The following XXYLT1 variants were observed in gnomAD, a reference collection of about 807,000 sequenced individuals.
XXYLT1 encodes xyloside xylosyltransferase 1, also known as UDP-xylose:alpha-xyloside alpha-1,3-xylosyltransferase.
A neutral mutation model predicts 28.9 loss-of-function variants in XXYLT1; 20 were observed. That is an observed-to-expected ratio of 0.69 (90% CI 0.49 to 1.00). XXYLT1 has a LOEUF of 1.00. XXYLT1 is among the 50% of genes least tolerant of loss of function. The pLI is 0.00. For missense variants in XXYLT1, 542 were observed against 560.1 expected (o/e 0.97, Z 0.33); for synonymous variants, 257 against 253.8 (o/e 1.01, Z -0.12).
rs1230231187 is a variant in XXYLT1, at chr3:195,143,862, A to C, written c.785+12587T>G. On this transcript the variant is annotated intron_variant, in intron 3 of 3. Transcript: ENST00000310380. The stretch of plus-strand genomic sequence containing the variant: ...GATATAGATATATATATAGATATAT[A>C]TAGATATAGATATATATATATATAT... Among the ~76,000 whole-genome samples, 44 of 89,678 alleles carry C rather than the reference A, an allele frequency of 4.9e-4. 3 individuals carry two copies. Among genetic ancestry groups the C allele is most frequent in the African/African-American group, 1.9e-3 (42 of 22,298 alleles). 58.8% of individuals were successfully genotyped at this position (89,678 alleles called of 152,430 possible).
At position 195,110,825 on chromosome 3, in the gene XXYLT1, AGT is replaced by A. The variant is rs771544244; in HGVS notation, c.786-40716_786-40715del. On this transcript the variant is annotated intron_variant, in intron 3 of 3. Transcript: ENST00000310380. ...TATGTGTGCGTGTGTGTGGTGTATA[AGT>A]GTGTGTGTGGTGTGTTGTGTGTGTT... 2.6e-3 allele frequency among the ~76,000 whole-genome samples: 116 copies of A among 44,484 alleles called. 3 individuals carry two copies. The East Asian group carries it at 0.14, about 55-fold the overall frequency. 29.2% of individuals were successfully genotyped at this position (44,484 alleles called of 152,430 possible).
chr3:195,162,456 C>T (rs895933856), intron 2 of XXYLT1, among the ~76,000 whole-genome samples: 2 of 152,146 alleles, frequency 1.3e-5, no homozygotes, highest in African/African-American at 4.8e-5. Flanking sequence ...GGTTTTGGGT[C>T]CAGGAAGTTG....
chr3:195,214,844 G>C (rs1432470863), intron 2 of XXYLT1: 1 of 152,166 alleles, frequency 6.6e-6, no homozygotes, highest in Non-Finnish European at 1.5e-5. Flanking sequence ...AGATTAGCAT[G>C]GCCCCTGCGC....
intron 3 of XXYLT1, among the ~76,000 whole-genome samples, chr3:195,088,221 C>G (rs1171715759): frequency 6.6e-6 from 1 of 151,580 alleles, no homozygotes; most frequent in Non-Finnish European, 1.5e-5. Flanking sequence ...TAGGCTCCAC[C>G]TCTGGGGGCA....
intron 2 of XXYLT1, among the ~76,000 whole-genome samples, chr3:195,192,352 G>C (rs1295394643): frequency 2.0e-5 from 3 of 151,300 alleles, no homozygotes; most frequent in Admixed American, 6.6e-5. Context: ...TTGAACCCAG[G>C]AAGCAGAGGT....
chr3:195,178,800 A>T (rs1043372239), intron 2 of XXYLT1, among the ~76,000 whole-genome samples: 2 of 152,246 alleles, frequency 1.3e-5, no homozygotes, highest in African/African-American at 4.8e-5. Flanking sequence ...GGAAGCCGGG[A>T]CTGTTTCCCC....
chr3:195,247,417 A>G (rs1463183486), intron 1 of XXYLT1, among the ~76,000 whole-genome samples: 2 of 152,236 alleles, frequency 1.3e-5, no homozygotes, highest in African/African-American at 4.8e-5. Context: ...GTAACACCCA[A>G]AGGAGGCACT....
At chr3:195,143,831 G>GATATATATATCTATATAT (rs1175852032) in intron 3 of XXYLT1, among the ~76,000 whole-genome samples, 7 of 65,692 alleles carry the variant, frequency 1.1e-4, no homozygotes, top group African/African-American at 4.3e-4. Flanking sequence ...GATATATATA[G>GATATATATATCTATATAT]ATATAGATAT....
In XXYLT1 at chr3:195,156,526, C is replaced by T. The variant is rs745922815; in HGVS notation, c.708G>A (p.Arg236=). 4 of 1,614,206 alleles carry T rather than the reference C, an allele frequency of 2.5e-6. No individual in the cohort carries two copies. The highest frequency in any genetic ancestry group is 4.5e-5 in the East Asian group (2 of 44,884). ...AACTGTCAAATTCCTCAAACAACTC[C>T]CGGATGTTGGTCTTAAACTTCAGGT... The part of the protein sequence containing the change: ...DLDLKFKTNI[R]ELFEEFDSFL... The change falls in exon 3 of 4, where the codon CGG becomes CGA. Residue 236 remains arginine (R), a synonymous_variant. Transcript: ENST00000310380.
chr3:195,137,199 C>T (rs1219455566), intron 3 of XXYLT1, among the ~76,000 whole-genome samples: 1 of 152,142 alleles, frequency 6.6e-6, no homozygotes, highest in African/African-American at 2.4e-5. Flanking sequence ...TGGGGTGTGA[C>T]ACTTTTCTTC....
chr3:195,097,782 G>A (rs1365203230), intron 3 of XXYLT1, among the ~76,000 whole-genome samples: 2 of 152,268 alleles, frequency 1.3e-5, no homozygotes, highest in African/African-American at 4.8e-5. Context: ...CCGGGGGAGT[G>A]TGAGTGGAGA....
At chr3:195,102,659 T>TTGTGTG (rs543347960) in intron 3 of XXYLT1, among the ~76,000 whole-genome samples, 6 of 151,060 alleles carry the variant, frequency 4.0e-5, no homozygotes, top group African/African-American at 1.5e-4. Context: ...ATATTCCGTT[T>TTGTGTG]TGTGTGTGTG....
intron 3 of XXYLT1, among the ~76,000 whole-genome samples, chr3:195,081,375 G>A (rs1438192109): frequency 6.6e-6 from 1 of 152,134 alleles, no homozygotes; most frequent in Non-Finnish European, 1.5e-5. Flanking sequence ...CTGTCACAGC[G>A]CTGAGCAGGG....
intron 2 of XXYLT1, among the ~76,000 whole-genome samples, chr3:195,223,247 C>T (rs1027018046): frequency 2.0e-5 from 3 of 151,972 alleles, no homozygotes; most frequent in Non-Finnish European, 1.5e-5. Flanking sequence ...AAAGTAAGCA[C>T]ATTTTAAAAA....
chr3:195,093,002 A>AACCATC (rs1237429659), intron 3 of XXYLT1, among the ~76,000 whole-genome samples: 1 of 102,286 alleles, frequency 9.8e-6, no homozygotes, highest in Non-Finnish European at 1.8e-5. Flanking sequence ...ACCAGTTAGA[A>AACCATC]TGGCAATCAT....
At chr3:195,108,108 G>A (rs538487570) in intron 3 of XXYLT1, among the ~76,000 whole-genome samples, 1 of 152,324 alleles carries the variant, frequency 6.6e-6, no homozygotes, top group African/African-American at 2.4e-5. Context: ...CTTACAGAGA[G>A]ACCTAGGTGA....
Position 195,168,557 on chromosome 3 carries a change from C to CCCAGCAAGCATG in XXYLT1, c.653-11988_653-11977dup, listed in dbSNP as rs1343196376. Among the ~76,000 whole-genome samples, 2 of 152,208 alleles carry CCCAGCAAGCATG rather than the reference C, an allele frequency of 1.3e-5. 1 individual carries two copies. The highest frequency in any genetic ancestry group is 1.3e-4 in the Admixed American group (2 of 15,286). Reference sequence around the variant, plus strand: ...GGGCAGCAGCCCTGCTCCCCAGTCACCCAGCAAGCATGGGCAGGCCCTGCT... The same window carrying CCCAGCAAGCATG: ...GGGCAGCAGCCCTGCTCCCCAGTCACCCAGCAAGCATGCCAGCAAGCATGGGCAGGCCCTGCT... On this transcript the variant is annotated intron_variant, in intron 2 of 3. Transcript: ENST00000310380. This position sits in a 1 kb window ranked among gnomAD's most constrained non-coding sequence, Gnocchi z 4.3.
At chr3:195,155,442 G>A (rs1056122584) in intron 3 of XXYLT1, among the ~76,000 whole-genome samples, 6 of 152,266 alleles carry the variant, frequency 3.9e-5, no homozygotes, top group African/African-American at 1.4e-4. Flanking sequence ...CGCTCTACCC[G>A]CTGGAGAAAC....
chr3:195,268,706 C>T (rs891334806), intron 1 of XXYLT1, among the ~76,000 whole-genome samples: 1 of 152,190 alleles, frequency 6.6e-6, no homozygotes, highest in Non-Finnish European at 1.5e-5. Flanking sequence ...ACCCTCACCC[C>T]TCAACAGAGG....
Sources: allele counts gnomAD v4.1 joint callset (sites outside exome capture counted in the v4.1 genomes callset), GRCh38; gene constraint gnomAD v4.1.1; non-coding constraint Gnocchi (gnomAD v3.1); transcripts MANE v1.5; gene names NCBI Gene and HGNC (gene_info 2026-07-23, HGNC 2026-07-21).